WDHD1: variants seen among roughly 807,000 people sequenced by gnomAD.
WDHD1 encodes WD repeat and HMG-box DNA-binding protein 1.
WDHD1 carries 111 observed loss-of-function variants against 135.4 expected under a neutral mutation model. The ratio of observed to expected loss-of-function variants is 0.82; its 90% CI spans 0.70 to 0.96. WDHD1 has a LOEUF of 0.96. WDHD1 is among the 40% of genes least tolerant of loss of function. The pLI is 0.00. For missense variants in WDHD1, 1,351 were observed against 1,336.3 expected (o/e 1.01, Z -0.17); for synonymous variants, 434 against 439.0 (o/e 0.99, Z 0.14).
intron 14 of WDHD1, among the ~76,000 whole-genome samples, chr14:54,985,666 G>A (rs1401922106): frequency 6.6e-6 from 1 of 152,216 alleles, no homozygotes; most frequent in East Asian, 1.9e-4. Flanking sequence ...AGAATGGACT[G>A]TGGAAGGCAA....
In WDHD1 at chr14:55,010,395, A is replaced by C. The variant is rs762974745; in HGVS notation, c.255T>G (p.Val85=). 6.2e-7 allele frequency: 1 copy of C among 1,613,488 alleles called. No individual in the cohort carries two copies. The highest frequency in any genetic ancestry group is 8.5e-7 in the Non-Finnish European group (1 of 1,179,766). Residue 85 remains valine, a synonymous_variant, in exon 4 of 26, where the codon GTT becomes GTG. Coordinates refer to ENST00000360586, the MANE Select transcript of WDHD1 (RefSeq NM_007086.4). The stretch of plus-strand genomic sequence containing the variant: ...TGAAGCGAGTCAATATACCATCTGG[A>C]ACTCCTTCAGGAAATGTGTGGACTT... ...TIQVHTFPEG[V]PDGILTRFTT...
chr14:55,012,674 G>T (rs2042190238), intron 3 of WDHD1, among the ~76,000 whole-genome samples: 1 of 152,242 alleles, frequency 6.6e-6, no homozygotes, highest in South Asian at 2.1e-4. Flanking sequence ...AAGATTGAGG[G>T]GTTGGCATCT....
chr14:55,026,192 G>A (rs745594811), intron 2 of WDHD1, among the ~76,000 whole-genome samples: 3 of 152,136 alleles, frequency 2.0e-5, no homozygotes, highest in East Asian at 1.9e-4. Context: ...AAGCGACAGT[G>A]GAAGCCGTGC....
Position 55,017,697 on chromosome 14 carries a change from G to C in WDHD1, c.78-4101C>G, listed in dbSNP as rs185618104. On this transcript the variant is annotated intron_variant, in intron 2 of 25. Transcript: ENST00000360586. ...AAATCTGTGAAACACAAAAGTACTT[G>C]AATTTGGAATTACAATTCATGATTC... Among the ~76,000 whole-genome samples, 19 of 152,194 alleles carry C rather than the reference G, an allele frequency of 1.2e-4. No individual in the cohort carries two copies. In the East Asian group the frequency reaches 3.3e-3, roughly 26 times the overall value.
intron 15 of WDHD1, 54 bp downstream of exon 15, chr14:54,984,666 TGAA>T: frequency 6.6e-6 from 9 of 1,357,220 alleles, no homozygotes; most frequent in Non-Finnish European, 8.8e-6. Context: ...ATTTTCTTCT[TGAA>T]GAATATCTAA....
chr14:54,943,779 A>C (rs1306439063), intron 25 of WDHD1, among the ~76,000 whole-genome samples: 1 of 152,060 alleles, frequency 6.6e-6, no homozygotes, highest in Non-Finnish European at 1.5e-5. Context: ...ATAGAGATTA[A>C]AACAGTAAAC....
intron 12 of WDHD1, among the ~76,000 whole-genome samples, chr14:54,990,906 G>C (rs960426583): frequency 1.3e-5 from 2 of 152,046 alleles, no homozygotes; most frequent in African/African-American, 4.8e-5. Flanking sequence ...ATGTAACAAT[G>C]ACCATGAAGA....
intron 16 of WDHD1, among the ~76,000 whole-genome samples, chr14:54,978,098 C>T (rs575266707): frequency 1.1e-3 from 170 of 152,190 alleles, no homozygotes; most frequent in Middle Eastern, 3.4e-3. Context: ...TAATGACATT[C>T]ACTAACAAAA....
intron 10 of WDHD1, among the ~76,000 whole-genome samples, chr14:54,997,090 T>A (rs2041893932): frequency 4.1e-4 from 1 of 2,454 alleles, no homozygotes; most frequent in East Asian, 0.071. Flanking sequence ...GCGCCCAGCC[T>A]TTTTTTTTTT....
At chr14:54,982,953 C>A (rs2041641667) in intron 15 of WDHD1, among the ~76,000 whole-genome samples, 1 of 151,842 alleles carries the variant, frequency 6.6e-6, no homozygotes, top group African/African-American at 2.4e-5. Context: ...TCACCTGATG[C>A]CAGGAGTTCA....
chr14:54,970,637 G>A lies in WDHD1; in HGVS notation c.2064-3243C>T, dbSNP rs866745308. Among the ~76,000 whole-genome samples the A allele has an allele frequency of 8.2e-3, 1,073 of 130,478 alleles. 9 individuals carry two copies. Among genetic ancestry groups the A allele is most frequent in the African/African-American group, 0.034 (976 of 28,966 alleles). The allele number at this position is 130,478 out of a possible 152,430, so 85.6% of individuals were successfully genotyped here. A position where few individuals can be genotyped will look rare whatever the true frequency, so the allele number is the denominator to read the frequency against. ...TCACAGCACCAAAAAAAAAAAAAAAGAAAGAAAGAAGAAAGAAAAAGACCA... is the reference window on the plus strand; with the variant it reads ...TCACAGCACCAAAAAAAAAAAAAAAAAAAGAAAGAAGAAAGAAAAAGACCA... On this transcript the variant is annotated intron_variant, in intron 16 of 25. Transcript: ENST00000360586.
chr14:54,986,002 C>T (rs1187129127), intron 14 of WDHD1, among the ~76,000 whole-genome samples: 1 of 152,166 alleles, frequency 6.6e-6, no homozygotes, highest in African/African-American at 2.4e-5. Context: ...TCTGTCCAAA[C>T]TCTAAATAGA....
chr14:54,943,488 G>A (rs1456979071), intron 25 of WDHD1, among the ~76,000 whole-genome samples: 2 of 152,002 alleles, frequency 1.3e-5, no homozygotes, highest in Non-Finnish European at 2.9e-5. Context: ...TTGACCTCCT[G>A]GGCTCAAGTA....
At chr14:54,976,489 G>A (rs1375234207) in intron 16 of WDHD1, among the ~76,000 whole-genome samples, 1 of 152,122 alleles carries the variant, frequency 6.6e-6, no homozygotes, top group East Asian at 1.9e-4. Context: ...GAGTCACAAA[G>A]CCTGGCCAAA....
intron 19 of WDHD1, 49 bp from the exon 20 acceptor site, chr14:54,962,902 T>G (rs767724567): frequency 6.2e-6 from 10 of 1,611,728 alleles, no homozygotes; most frequent in Non-Finnish European, 8.5e-6. Flanking sequence ...AAGACCAACT[T>G]AACATTCAAG....
At chr14:54,948,649 T>A (rs1595055791) in intron 24 of WDHD1, among the ~76,000 whole-genome samples, 1 of 152,006 alleles carries the variant, frequency 6.6e-6, no homozygotes, top group Admixed American at 6.5e-5. Flanking sequence ...TTGAAGAGAG[T>A]AGTGGTTCTC....
At chr14:55,001,993 G>T in intron 8 of WDHD1, 100 bp downstream of exon 8, 1 of 837,974 alleles carries the variant, frequency 1.2e-6, no homozygotes, top group Non-Finnish European at 2.0e-6. Context: ...GCCAGGAGTT[G>T]TTTTCCATTC....
chr14:55,024,173 T>C (rs886128449), intron 2 of WDHD1, among the ~76,000 whole-genome samples: 20 of 152,344 alleles, frequency 1.3e-4, no homozygotes, highest in African/African-American at 3.8e-4. Context: ...AAGGGTCAAT[T>C]GTATATTTCT....
At chr14:55,007,218 A>C in intron 7 of WDHD1, 62 bp downstream of exon 7, 3 of 1,263,714 alleles carry the variant, frequency 2.4e-6, no homozygotes, top group South Asian at 1.4e-5. Context: ...ACAGAGTGAG[A>C]CTCCATCTCT....
Sources: gnomAD v4.1 joint callset for allele counts (sites outside exome capture counted in the v4.1 genomes callset) on GRCh38, gnomAD v4.1.1 for gene constraint, MANE v1.5 for transcripts, NCBI Gene and HGNC (gene_info 2026-07-23, HGNC 2026-07-21) for gene names.